Variants in PTPRD observed in about 807,000 individuals in gnomAD.
PTPRD encodes the protein protein tyrosine phosphatase receptor type D.
PTPRD carries 34 observed loss-of-function variants against 214.5 expected under a neutral mutation model. The observed-to-expected ratio is 0.16, with a 90% CI of 0.12 to 0.21. The LOEUF is 0.21. Among genes scored for constraint, PTPRD ranks in the 10% least tolerant of loss-of-function variants. PTPRD has a pLI of 1.00. For missense variants in PTPRD, 2,545 were observed against 2,398.7 expected (o/e 1.06, Z -1.27); for synonymous variants, 1,128 against 845.7 (o/e 1.33, Z -5.79).
chr9:9,781,190 T>C (rs1197563503), intron 5 of PTPRD, among the ~76,000 whole-genome samples: 1 of 152,140 alleles, frequency 6.6e-6, no homozygotes, highest in Non-Finnish European at 1.5e-5. Flanking sequence ...ATTCAGTTAA[T>C]AATAATGCAG....
At chr9:9,437,017 C>A (rs1212172495) in intron 8 of PTPRD, among the ~76,000 whole-genome samples, 1 of 152,132 alleles carries the variant, frequency 6.6e-6, no homozygotes, top group African/African-American at 2.4e-5. Context: ...TTATGTAGTA[C>A]AATGCAGATC....
chr9:9,554,151 A>G (rs1011605142), intron 8 of PTPRD, among the ~76,000 whole-genome samples: 3 of 152,046 alleles, frequency 2.0e-5, no homozygotes, highest in Non-Finnish European at 2.9e-5. Flanking sequence ...TATTAATTGC[A>G]AACTCAACCA....
At chr9:8,887,224 T>A (rs1324975723) in intron 11 of PTPRD, among the ~76,000 whole-genome samples, 1 of 152,154 alleles carries the variant, frequency 6.6e-6, no homozygotes, top group Admixed American at 6.5e-5. Flanking sequence ...TGCCTCTTCT[T>A]AAAGTGAGTA....
intron 10 of PTPRD, among the ~76,000 whole-genome samples, chr9:9,074,536 G>C (rs1466487752): frequency 6.6e-6 from 1 of 151,976 alleles, no homozygotes; most frequent in Admixed American, 6.6e-5. Flanking sequence ...GGTAGAATTT[G>C]GGAGTGAAAT....
chr9:8,908,109 T>G (rs1426410523), intron 11 of PTPRD, among the ~76,000 whole-genome samples: 1 of 152,200 alleles, frequency 6.6e-6, no homozygotes, highest in Non-Finnish European at 1.5e-5. Context: ...AGCTGACTTT[T>G]TATTACAAAC....
At chr9:10,174,288 C>A (rs2099231896) in intron 3 of PTPRD, among the ~76,000 whole-genome samples, 1 of 152,086 alleles carries the variant, frequency 6.6e-6, no homozygotes, top group Non-Finnish European at 1.5e-5. Flanking sequence ...TGAGTGAGTT[C>A]TCACCCAATT....
At chr9:10,180,619 A>G (rs939556272) in intron 3 of PTPRD, among the ~76,000 whole-genome samples, 1 of 151,380 alleles carries the variant, frequency 6.6e-6, no homozygotes, top group Non-Finnish European at 1.5e-5. Flanking sequence ...AAAAAAAAAA[A>G]AAACTCATGG....
At chr9:8,708,555 T>C (rs559365335) in intron 12 of PTPRD, among the ~76,000 whole-genome samples, 3 of 151,956 alleles carry the variant, frequency 2.0e-5, no homozygotes, top group South Asian at 2.1e-4. Flanking sequence ...GGTGGGCACC[T>C]GTAATCCCAG....
chr9:8,650,291 A>C (rs1013210629), intron 12 of PTPRD, among the ~76,000 whole-genome samples: 1 of 151,964 alleles, frequency 6.6e-6, no homozygotes, highest in African/African-American at 2.4e-5. Flanking sequence ...GCACTTTGGG[A>C]GGCTGAGGTG....
At chr9:8,651,496 T>A (rs2096807367) in intron 12 of PTPRD, among the ~76,000 whole-genome samples, 1 of 152,162 alleles carries the variant, frequency 6.6e-6, no homozygotes, top group Non-Finnish European at 1.5e-5. Context: ...AATAAACCCA[T>A]GAAGAACTTT....
At chr9:8,894,010 A>G (rs773888284) in intron 11 of PTPRD, among the ~76,000 whole-genome samples, 2 of 152,148 alleles carry the variant, frequency 1.3e-5, no homozygotes, top group Admixed American at 1.3e-4. Flanking sequence ...TGTATTTTGT[A>G]AAGCACACCC....
intron 2 of PTPRD, among the ~76,000 whole-genome samples, chr9:10,607,656 T>C (rs562319828): frequency 6.6e-6 from 1 of 151,828 alleles, no homozygotes; most frequent in Non-Finnish European, 1.5e-5. Context: ...CTATCACATA[T>C]AGAAAACAAT....
chr9:9,304,018 C>A (rs1450852663), intron 9 of PTPRD, among the ~76,000 whole-genome samples: 1 of 152,140 alleles, frequency 6.6e-6, no homozygotes, highest in East Asian at 1.9e-4. Flanking sequence ...AAGGAGGGAA[C>A]CCTTTCCAAC....
intron 5 of PTPRD, among the ~76,000 whole-genome samples, chr9:9,908,872 G>A (rs376815883): frequency 6.6e-6 from 1 of 151,868 alleles, no homozygotes; most frequent in Non-Finnish European, 1.5e-5. Context: ...ATCTAGGTCG[G>A]TAACACTTCT....
At chr9:10,431,507 A>G (rs999475783) in intron 2 of PTPRD, among the ~76,000 whole-genome samples, 2 of 152,002 alleles carry the variant, frequency 1.3e-5, no homozygotes, top group African/African-American at 2.4e-5. Flanking sequence ...CAACCTACAA[A>G]ATGGGAGAAA....
At chr9:9,884,559 G>A (rs1228262323) in intron 5 of PTPRD, among the ~76,000 whole-genome samples, 1 of 152,250 alleles carries the variant, frequency 6.6e-6, no homozygotes, top group African/African-American at 2.4e-5. Flanking sequence ...AAGCTGGAAA[G>A]GCCTTGAAGA....
chr9:8,886,961 G>A (rs1587396229), intron 11 of PTPRD, among the ~76,000 whole-genome samples: 1 of 152,124 alleles, frequency 6.6e-6, no homozygotes, highest in Non-Finnish European at 1.5e-5. Flanking sequence ...ATAATATGAA[G>A]CTTAACTGAT....
At chr9:9,833,223 C>A (rs2055531789) in intron 5 of PTPRD, among the ~76,000 whole-genome samples, 1 of 151,996 alleles carries the variant, frequency 6.6e-6, no homozygotes, top group Non-Finnish European at 1.5e-5. Context: ...AAAGCGTCGA[C>A]TGGCTTGAGA....
At chr9:9,872,441 G>T (rs1230836334) in intron 5 of PTPRD, among the ~76,000 whole-genome samples, 1 of 152,018 alleles carries the variant, frequency 6.6e-6, no homozygotes, top group African/African-American at 2.4e-5. Context: ...CTCTACAAAA[G>T]AAAATTTTAA....
Sources: gnomAD v4.1 joint callset for allele counts (sites outside exome capture counted in the v4.1 genomes callset) on GRCh38, gnomAD v4.1.1 for gene constraint, MANE v1.5 for transcripts, NCBI Gene and HGNC (gene_info 2026-07-23, HGNC 2026-07-21) for gene names.